The following UBA3 variants were observed in gnomAD, a reference collection of about 807,000 sequenced individuals.
The protein encoded by UBA3 is ubiquitin like modifier activating enzyme 3.
In UBA3, 26 loss-of-function variants were observed where a neutral mutation model predicts 73.5. The observed-to-expected ratio is 0.35, with a 90% confidence interval of 0.26 to 0.49. The LOEUF is 0.49. UBA3 is among the 20% of genes least tolerant of loss of function. The probability of loss-of-function intolerance (pLI) is 0.98; values close to 1 mark genes in which losing one functional copy is unlikely to be tolerated. For synonymous variants in UBA3, 217 were observed against 191.2 expected, an observed-to-expected ratio of 1.13 and a Z score of -1.11; for missense variants, 495 against 555.6, an observed-to-expected ratio of 0.89 and a Z score of 1.10.
chr3:69,077,870 G>A lies in UBA3; in HGVS notation c.111C>T (p.Arg37=). The change falls in exon 3 of 18, where the codon CGC becomes CGT. Residue 37 remains arginine (R), a synonymous_variant. Transcript: ENST00000361055. The part of the protein sequence containing the change: ...GCGDTGDWEG[R]WNHVKKFLER... ...CGAGGAACTTCTTTACATGGTTCCA[G>A]CGACCTTCCCAGTCTCCAGTGTCCC... 6.2e-7 allele frequency: 1 copy of A among 1,614,078 alleles called. No homozygotes were observed. Among genetic ancestry groups the A allele is most frequent in the Non-Finnish European group, 8.5e-7 (1 of 1,180,014 alleles).
intron 3 of UBA3, 186 bp downstream of exon 3, chr3:69,077,612 G>A: frequency 1.7e-6 from 1 of 604,594 alleles, no homozygotes; most frequent in Non-Finnish European, 2.6e-6. Context: ...CATGAGAAAT[G>A]TTAAGACTCA....
chr3:69,065,147 A>C (rs1363618126), intron 6 of UBA3, among the ~76,000 whole-genome samples: 1 of 152,188 alleles, frequency 6.6e-6, no homozygotes, highest in African/African-American at 2.4e-5. Flanking sequence ...AGCCAGACTA[A>C]GAAATCTAAT....
chr3:69,072,233 A>C (rs765913792), intron 4 of UBA3, among the ~76,000 whole-genome samples: 4 of 152,238 alleles, frequency 2.6e-5, no homozygotes, highest in African/African-American at 7.2e-5. Context: ...CCACATTCAA[A>C]TTTAGCAGCA....
At chr3:69,077,690 C>A in intron 3 of UBA3, 108 bp downstream of exon 3, 2 of 1,243,900 alleles carry the variant, frequency 1.6e-6, no homozygotes, top group Non-Finnish European at 2.1e-6. Flanking sequence ...TTTCACAAAA[C>A]AATTTTATTA....
rs117384499 is a variant in UBA3 at position 69,074,724 on chromosome 3, T to C, written c.264+706A>G. On this transcript the variant is annotated intron_variant, in intron 4 of 17. Coordinates refer to ENST00000361055, the MANE Select transcript of UBA3 (RefSeq NM_003968.4). ...TGTTACATAAACTCATTAAAATTTA[T>C]AGAAAGCGACTTTGTGATTAGAAAA... is the stretch of plus-strand genomic sequence containing the variant. Among the ~76,000 whole-genome samples the C allele has an allele frequency of 3.9e-5, 6 of 152,340 alleles. No individual in the cohort carries two copies. In the East Asian group the frequency reaches 5.8e-4, roughly 15 times the overall value.
At position 69,061,833 on chromosome 3, in the gene UBA3, A is replaced by G. The variant is rs2107485446; in HGVS notation, c.891T>C (p.Val297=). The change falls in exon 11 of 18, where the codon GTT becomes GTC. Residue 297 remains valine, a synonymous_variant. Coordinates refer to ENST00000361055, the MANE Select transcript of UBA3 (RefSeq NM_003968.4). ...ACTTACCTTGAGTGAGCCTATACGT[A>G]ACACCCCTAATATTATATTGTGATG... ...ERASQYNIRG[V]TYRLTQGVVK... 1 of 1,606,000 alleles carries G rather than the reference A, an allele frequency of 6.2e-7. No homozygotes were observed. The highest frequency in any genetic ancestry group is 2.2e-5 in the East Asian group (1 of 44,790).
chr3:69,069,484 G>A (rs1405290677), intron 5 of UBA3, among the ~76,000 whole-genome samples: 4 of 152,002 alleles, frequency 2.6e-5, no homozygotes, highest in Admixed American at 6.5e-5. Flanking sequence ...GAGTCACTAC[G>A]CCTGGCTAAT....
chr3:69,058,907 C>T (rs1038664794), intron 11 of UBA3, among the ~76,000 whole-genome samples: 2 of 152,182 alleles, frequency 1.3e-5, no homozygotes, highest in African/African-American at 4.8e-5. Flanking sequence ...AGAAAGTACA[C>T]ACCAAGCCCT....
intron 11 of UBA3, 128 bp downstream of exon 11, chr3:69,061,685 AT>A (rs2092022409): frequency 1.8e-6 from 1 of 558,228 alleles, no homozygotes; most frequent in Admixed American, 3.1e-5. Flanking sequence ...AGTAGTATGA[AT>A]TACATGGTAC....
In UBA3 at chr3:69,055,626, T is replaced by A. The variant is rs965794992; in HGVS notation, c.1304-101A>T. On this transcript the variant is annotated intron_variant, in intron 17 of 17. Coordinates refer to ENST00000361055, the MANE Select transcript of UBA3 (RefSeq NM_003968.4). Reference sequence around the variant, plus strand: ...CAGAGTATTACGGTCTAGAAAAACATCAAAATCCAATCCTCTTTAATCAAA... The same window carrying A: ...CAGAGTATTACGGTCTAGAAAAACAACAAAATCCAATCCTCTTTAATCAAA... 1.6e-5 allele frequency: 16 copies of A among 970,858 alleles called. No homozygotes were observed. The African/African-American group carries it at 1.7e-4, about 10-fold the overall frequency. 60.1% of individuals were successfully genotyped at this position (970,858 alleles called of 1,614,324 possible). A position where few individuals can be genotyped will look rare whatever the true frequency, so the allele number is the denominator to read the frequency against.
chr3:69,074,506 T>A (rs1447442791), intron 4 of UBA3, among the ~76,000 whole-genome samples: 1 of 152,210 alleles, frequency 6.6e-6, no homozygotes, highest in Non-Finnish European at 1.5e-5. Context: ...TCAAGCGACA[T>A]TAGTGTTTCT....
At chr3:69,056,841 C>A (rs745399020) in intron 12 of UBA3, 26 bp from the exon 13 acceptor site, 25 of 1,601,628 alleles carry the variant, frequency 1.6e-5, no homozygotes, top group Non-Finnish European at 2.1e-5. Flanking sequence ...AATACAGGTG[C>A]TTTAACTCAA....
intron 2 of UBA3, among the ~76,000 whole-genome samples, chr3:69,078,710 T>G (rs2092191309): frequency 6.6e-6 from 1 of 152,158 alleles, no homozygotes; most frequent in Non-Finnish European, 1.5e-5. Context: ...TGAGCTCAAG[T>G]AATCCGTCCA....
At chr3:69,063,906 A>C (rs1201106241) in intron 7 of UBA3, among the ~76,000 whole-genome samples, 162 bp downstream of exon 7, 1 of 152,210 alleles carries the variant, frequency 6.6e-6, no homozygotes, top group African/African-American at 2.4e-5. Context: ...AGCTAAAACT[A>C]GCATTCTCTT....
intron 5 of UBA3, among the ~76,000 whole-genome samples, chr3:69,069,262 G>A (rs1048806323): frequency 3.3e-5 from 5 of 151,888 alleles, no homozygotes; most frequent in East Asian, 1.9e-4. Flanking sequence ...ATAATAAATC[G>A]TGTGCTTATT....
At chr3:69,080,085 G>A in intron 2 of UBA3, 27 bp downstream of exon 2, 1 of 1,604,938 alleles carries the variant, frequency 6.2e-7, no homozygotes, top group Non-Finnish European at 8.5e-7. Context: ...TCCCCGGAGA[G>A]GGCCCCGGCC....
chr3:69,073,065 C>G (rs1056516639), intron 4 of UBA3, among the ~76,000 whole-genome samples: 8 of 152,182 alleles, frequency 5.3e-5, no homozygotes, highest in Non-Finnish European at 1.2e-4. Context: ...TTTCTTCCCC[C>G]TCTCTGCTCT....
At chr3:69,066,538 G>A (rs1382896751) in intron 6 of UBA3, among the ~76,000 whole-genome samples, 6 of 151,956 alleles carry the variant, frequency 3.9e-5, no homozygotes, top group Non-Finnish European at 7.4e-5. Flanking sequence ...CAGCCTCCTA[G>A]GGTCAAGCGA....
chr3:69,069,339 T>C (rs111725276), intron 5 of UBA3, among the ~76,000 whole-genome samples: 2,626 of 152,272 alleles, frequency 0.017, 31 homozygotes, highest in African/African-American at 0.022. Context: ...TTTTTTTTTG[T>C]TTGTTTGAGA....
Sources: allele counts gnomAD v4.1 joint callset (sites outside exome capture counted in the v4.1 genomes callset), GRCh38; gene constraint gnomAD v4.1.1; transcripts MANE v1.5; gene names NCBI Gene and HGNC (gene_info 2026-07-23, HGNC 2026-07-21).